Variants in TNRC6A observed in about 807,000 individuals in gnomAD.
TNRC6A encodes the protein trinucleotide repeat containing adaptor 6A.
Under a neutral mutation model 221.2 loss-of-function variants are expected in TNRC6A, and 44 were observed. The ratio of observed to expected loss-of-function variants is 0.20; its 90% CI spans 0.16 to 0.26. The LOEUF is 0.26. Ranked by LOEUF, TNRC6A falls within the 10% of genes least tolerant of loss-of-function variation. The pLI is 1.00. For missense variants in TNRC6A, 2,199 were observed against 2,404.4 expected, an observed-to-expected ratio of 0.91 and a Z score of 1.79; for synonymous variants, 847 against 838.5, an observed-to-expected ratio of 1.01 and a Z score of -0.18.
intron 3 of TNRC6A, among the ~76,000 whole-genome samples, chr16:24,755,478 C>G (rs1288584764): frequency 6.6e-6 from 1 of 152,188 alleles, no homozygotes; most frequent in Non-Finnish European, 1.5e-5. Flanking sequence ...GTCCTAAGTG[C>G]TTTTATATGA....
At chr16:24,665,607 T>C (rs917043857) in intron 2 of TNRC6A, among the ~76,000 whole-genome samples, 7 of 152,180 alleles carry the variant, frequency 4.6e-5, no homozygotes, top group African/African-American at 1.7e-4. Context: ...GTAGGATAAT[T>C]CTTTGTTCTG....
intron 1 of TNRC6A, 150 bp from the exon 2 acceptor site, chr16:24,730,103 C>G (rs1025251141): frequency 1.1e-5 from 9 of 815,432 alleles, no homozygotes; most frequent in Non-Finnish European, 7.0e-6. Context: ...GCTGCAGCCC[C>G]GCAGCTTTGT....
chr16:24,706,092 A>T (rs1007717623), intron 2 of TNRC6A, among the ~76,000 whole-genome samples: 1 of 152,200 alleles, frequency 6.6e-6, no homozygotes, highest in African/African-American at 2.4e-5. Context: ...AATAGCACCA[A>T]CGCTCACACT....
At chr16:24,801,020 A>T (rs1466266978) in intron 11 of TNRC6A, among the ~76,000 whole-genome samples, 1 of 152,222 alleles carries the variant, frequency 6.6e-6, no homozygotes, top group Non-Finnish European at 1.5e-5. Flanking sequence ...ATAAATCAAT[A>T]AATGGTCATT....
chr16:24,786,158 A>G (rs576181172), intron 5 of TNRC6A, among the ~76,000 whole-genome samples: 1 of 152,348 alleles, frequency 6.6e-6, no homozygotes, highest in South Asian at 2.1e-4. Context: ...TAAGGGAGAC[A>G]TGGTGGAATG....
chr16:24,655,347 C>T (rs975076993), intron 2 of TNRC6A, among the ~76,000 whole-genome samples: 1 of 152,166 alleles, frequency 6.6e-6, no homozygotes, highest in Non-Finnish European at 1.5e-5. Flanking sequence ...TCACTATAAT[C>T]GCCATTTATT....
At chr16:24,778,186 C>G (rs1192383038) in intron 5 of TNRC6A, 1 of 535,478 alleles carries the variant, frequency 1.9e-6, no homozygotes, top group Non-Finnish European at 2.4e-6. Context: ...GCCCCCATAT[C>G]CCAGTGTGTG....
intron 2 of TNRC6A, among the ~76,000 whole-genome samples, chr16:24,716,785 C>G (rs574442293): frequency 2.9e-3 from 442 of 151,658 alleles, no homozygotes; most frequent in African/African-American, 0.01. Flanking sequence ...TGGTGAAACC[C>G]CGTCTCTACG....
At chr16:24,754,825 G>C (rs1208159972) in intron 3 of TNRC6A, among the ~76,000 whole-genome samples, 1 of 152,214 alleles carries the variant, frequency 6.6e-6, no homozygotes, top group African/African-American at 2.4e-5. Context: ...TTGGTGTTGA[G>C]AATGTTTCAA....
In TNRC6A at chr16:24,657,436, C is replaced by G. The variant is rs377179411; in HGVS notation, n.402+16427C>G. Among the ~76,000 whole-genome samples, 9 of 150,638 alleles carry G rather than the reference C, an allele frequency of 6.0e-5. No homozygotes were observed. The South Asian group carries it at 1.7e-3, about 28-fold the overall frequency. On this transcript the variant is annotated intron_variant and non_coding_transcript_variant, in intron 2 of 2. Coordinates refer to the TNRC6A transcript ENST00000566108. The stretch of plus-strand genomic sequence containing the variant: ...TCAAAGTTTGGAAATAAAGGCCGGG[C>G]AGGCGGCTCATGCCTGTAATCCCAG...
At chr16:24,716,734 C>T (rs1052100352) in intron 2 of TNRC6A, among the ~76,000 whole-genome samples, 6 of 151,274 alleles carry the variant, frequency 4.0e-5, no homozygotes, top group Non-Finnish European at 7.4e-5. Flanking sequence ...CTGAGGCGGG[C>T]AGATCACAAG....
chr16:24,693,069 C>T (rs9922226), intron 2 of TNRC6A, among the ~76,000 whole-genome samples: 84,244 of 151,860 alleles, frequency 0.55, 23,864 homozygotes, highest in African/African-American at 0.67. Flanking sequence ...TAAACACACT[C>T]ACACTATTAA....
chr16:24,686,401 T>TTTTC (rs747939554), intron 2 of TNRC6A, among the ~76,000 whole-genome samples: 1 of 152,146 alleles, frequency 6.6e-6, no homozygotes, highest in Non-Finnish European at 1.5e-5. Context: ...TTATGCCCCA[T>TTTTC]TTTCTTTCTT....
chr16:24,797,339 A>T (rs912199126), intron 9 of TNRC6A, 151 bp from the exon 10 acceptor site: 5 of 529,156 alleles, frequency 9.4e-6, no homozygotes, highest in Non-Finnish European at 1.3e-5. Flanking sequence ...TTGATTTTTA[A>T]TTATTAACAA....
At chr16:24,797,415 T>C in intron 9 of TNRC6A, 75 bp from the exon 10 acceptor site, 1 of 1,130,636 alleles carries the variant, frequency 8.8e-7, no homozygotes, top group Non-Finnish European at 1.3e-6. Flanking sequence ...TTGTCTTAAG[T>C]TTTATTAATC....
chr16:24,708,468 C>T (rs899835149), intron 2 of TNRC6A, among the ~76,000 whole-genome samples: 1 of 151,998 alleles, frequency 6.6e-6, no homozygotes, highest in African/African-American at 2.4e-5. Context: ...GTCTCGATCT[C>T]CTGACTTGGT....
rs553491753 is a variant in TNRC6A, at chr16:24,793,777, A to G, written c.3352+128A>G. Reference sequence around the variant, plus strand: ...TTCATATAATGTAACATGATAGATGATGTTCAGTATTTTGCTCTTTGATTT... The same window carrying G: ...TTCATATAATGTAACATGATAGATGGTGTTCAGTATTTTGCTCTTTGATTT... On this transcript the variant is annotated intron_variant, in intron 7 of 24. Transcript: ENST00000395799. 1.5e-4 allele frequency: 123 copies of G among 833,152 alleles called. 1 individual carries two copies. The African/African-American group carries it at 1.9e-3, about 13-fold the overall frequency. 51.6% of individuals were successfully genotyped at this position (833,152 alleles called of 1,614,324 possible).
chr16:24,687,958 T>TCTTTC, intron 2 of TNRC6A, among the ~76,000 whole-genome samples: 1 of 137,632 alleles, frequency 7.3e-6, no homozygotes, highest in South Asian at 2.4e-4. Flanking sequence ...TCTTTTCTTT[T>TCTTTC]TTTTTTTTTT....
rs1596505888 is a variant in TNRC6A at position 24,695,441 on chromosome 16, C to A, written n.402+54432C>A. On this transcript the variant is annotated intron_variant and non_coding_transcript_variant, in intron 2 of 2. Transcript: ENST00000566108. ...TTTTGAGACAGTCTCGCTCTGTCAC[C>A]CAGGCTGGAGTACAGTGGCGCAATC... Among the ~76,000 whole-genome samples, 3 of 152,000 alleles carry A rather than the reference C, an allele frequency of 2.0e-5. No homozygotes were observed. In the East Asian group the frequency reaches 5.8e-4, roughly 29 times the overall value.
Sources: allele counts gnomAD v4.1 joint callset (sites outside exome capture counted in the v4.1 genomes callset), GRCh38; gene constraint gnomAD v4.1.1; transcripts MANE v1.5; gene names NCBI Gene and HGNC (gene_info 2026-07-23, HGNC 2026-07-21).